Variants in CASP8 observed in about 807,000 individuals in gnomAD.
CASP8 encodes caspase 8.
A neutral mutation model predicts 46.3 loss-of-function variants in CASP8; 24 were observed. That is an observed-to-expected ratio of 0.52 (90% CI 0.38 to 0.73). The LOEUF (loss-of-function observed/expected upper bound fraction) is 0.73. CASP8 is among the 30% of genes least tolerant of loss of function. The pLI, the probability that CASP8 is intolerant of heterozygous loss-of-function variation, is 0.00. For missense variants in CASP8, 460 were observed against 559.0 expected (o/e 0.82, Z 1.79); for synonymous variants, 188 against 200.4 (o/e 0.94, Z 0.52).
chr2:201,250,836 G>C (rs539832844), intron 2 of CASP8, among the ~76,000 whole-genome samples: 1 of 152,150 alleles, frequency 6.6e-6, no homozygotes, highest in African/African-American at 2.4e-5. Flanking sequence ...ACATCCTACC[G>C]GTTTTGCCAA....
At chr2:201,254,570 AC>A (rs546009250) in intron 2 of CASP8, among the ~76,000 whole-genome samples, 41 of 152,360 alleles carry the variant, frequency 2.7e-4, no homozygotes, top group African/African-American at 8.9e-4. Flanking sequence ...TTGGCAACAA[AC>A]AAAGGGCATG....
chr2:201,243,175 A>G (rs1037723089), intron 2 of CASP8, among the ~76,000 whole-genome samples: 11 of 152,214 alleles, frequency 7.2e-5, no homozygotes, highest in Admixed American at 3.3e-4. Flanking sequence ...CCTATAGTCA[A>G]CAATACTGTA....
At chr2:201,246,606 C>T (rs913364092) in intron 2 of CASP8, among the ~76,000 whole-genome samples, 2 of 152,174 alleles carry the variant, frequency 1.3e-5, no homozygotes, top group African/African-American at 2.4e-5. Flanking sequence ...AGACCTGAAT[C>T]GACCACCCTC....
chr2:201,256,120 C>T (rs1295369683), upstream of CASP8, among the ~76,000 whole-genome samples: 1 of 152,206 alleles, frequency 6.6e-6, no homozygotes. Flanking sequence ...TGTTTTATCT[C>T]CCACAGTTTT....
At chr2:201,244,278 T>G (rs374003804) in intron 2 of CASP8, among the ~76,000 whole-genome samples, 1 of 152,200 alleles carries the variant, frequency 6.6e-6, no homozygotes, top group Non-Finnish European at 1.5e-5. Flanking sequence ...GAACAAAATA[T>G]TTATTTGTGG....
rs1339962485 is a variant in CASP8, at chr2:201,266,689, G to T, written c.203G>T (p.Arg68Leu). 6.2e-7 allele frequency: 1 copy of T among 1,613,998 alleles called. No individual in the cohort carries two copies. Among genetic ancestry groups the T allele is most frequent in the Non-Finnish European group, 8.5e-7 (1 of 1,179,928 alleles). ...TCCTTCCTGAAGGAGCTGCTCTTCC[G>T]AATTAATAGACTGGATTTGCTGATT... ...NLSFLKELLF[R>L]INRLDLLITY... Residue 68 changes from arginine (R) to leucine (L), a missense_variant, in exon 2 of 9, where the codon CGA (arginine) becomes CTA (leucine). Transcript: ENST00000673742. The surrounding 1 kb of genome is among the most constrained non-coding windows in gnomAD (Gnocchi z 5.7).
In CASP8 at chr2:201,237,947, T is replaced by TA. The variant is rs3835914; in HGVS notation, c.-27+3838dup. Among the ~76,000 whole-genome samples the TA allele has an allele frequency of 9.4e-4, 143 of 152,344 alleles. 4 individuals are homozygous for TA. The East Asian group carries it at 0.025, about 27-fold the overall frequency. The stretch of plus-strand genomic sequence containing the variant: ...GCGATCTCATCAAACAATCTTGATA[T>TA]AAACTTAGAGAACAACCTCTTGGCA... On this transcript the variant is annotated intron_variant, in intron 2 of 6. Coordinates refer to the CASP8 transcript ENST00000264274.
intron 2 of CASP8, chr2:201,269,555 CCAGA>C: frequency 1.2e-6 from 2 of 1,613,538 alleles, no homozygotes; most frequent in Non-Finnish European, 1.7e-6. Flanking sequence ...ACAGCCAGTG[CCAGA>C]CACAGTCTGT....
At chr2:201,265,391 A>C (rs1401605416) in intron 1 of CASP8, among the ~76,000 whole-genome samples, 1 of 147,582 alleles carries the variant, frequency 6.8e-6, no homozygotes. Flanking sequence ...AAAAAAAAAA[A>C]CGAAAACTAA....
At chr2:201,249,569 G>GT (rs1946684776) in intron 2 of CASP8, among the ~76,000 whole-genome samples, 1 of 152,162 alleles carries the variant, frequency 6.6e-6, no homozygotes, top group African/African-American at 2.4e-5. Context: ...CAATCGGGTT[G>GT]TTTTCTTATT....
At chr2:201,276,769 TACATCTCTAGTGTTTG>T in intron 6 of CASP8, 42 bp from the exon 7 acceptor site, 4 of 1,611,988 alleles carry the variant, frequency 2.5e-6, no homozygotes, top group Non-Finnish European at 3.4e-6. Flanking sequence ...GTTGTTTGTT[TACATCTCTAGTGTTTG>T]ACCCACAGAG....
intron 6 of CASP8, 125 bp from the exon 7 acceptor site, chr2:201,276,702 G>A (rs865929937): frequency 3.3e-6 from 4 of 1,229,336 alleles, no homozygotes; most frequent in South Asian, 1.3e-5. Context: ...CTAGTTCTTC[G>A]AGGAAACGAC....
At chr2:201,244,077 A>C (rs1301583504) in intron 2 of CASP8, among the ~76,000 whole-genome samples, 1 of 152,176 alleles carries the variant, frequency 6.6e-6, no homozygotes, top group East Asian at 1.9e-4. Context: ...CCCATCATGG[A>C]CCTGAATGGG....
At position 201,266,775 on chromosome 2, in the gene CASP8, C is replaced by A. The variant is rs1489585227; in HGVS notation, c.289C>A (p.Gln97Lys). 1 of 1,612,334 alleles carries A rather than the reference C, an allele frequency of 6.2e-7. No homozygotes were observed. The highest frequency in any genetic ancestry group is 1.3e-5 in the African/African-American group (1 of 74,870). The change falls in exon 2 of 9, where the codon CAA (glutamine) becomes AAA (lysine). Residue 97 changes from glutamine (Q) to lysine (K), a missense_variant. Transcript: ENST00000673742. This position sits in a 1 kb window ranked among gnomAD's most constrained non-coding sequence, Gnocchi z 5.7. ...ERELQTPGRAQISAYRVMLYQ... is the reference protein window; with the variant it reads ...ERELQTPGRAKISAYRVMLYQ... The stretch of plus-strand genomic sequence containing the variant: ...GGAACTTCAGACACCAGGCAGGGCT[C>A]AAATTTCTGCCTACAGGTGGGTGGA...
intron 1 of CASP8, among the ~76,000 whole-genome samples, chr2:201,265,306 C>T (rs569426957): frequency 6.7e-6 from 1 of 149,104 alleles, no homozygotes; most frequent in Non-Finnish European, 1.5e-5. Context: ...ACCTGGGAGG[C>T]GGAGGTTGCA....
chr2:201,258,900 T>C (rs145885619), upstream of CASP8, among the ~76,000 whole-genome samples: 485 of 152,334 alleles, frequency 3.2e-3, 3 homozygotes, highest in African/African-American at 0.011. Flanking sequence ...AGTTCTCTAA[T>C]GTTTTGATGT....
chr2:201,259,542 C>T (rs114684483), upstream of CASP8, among the ~76,000 whole-genome samples: 1 of 152,092 alleles, frequency 6.6e-6, no homozygotes, highest in South Asian at 2.1e-4. Flanking sequence ...TCAGATACTT[C>T]GTTCAGTCTT....
upstream of CASP8, chr2:201,258,294 CT>C: frequency 6.2e-7 from 1 of 1,614,054 alleles, no homozygotes; most frequent in Non-Finnish European, 8.5e-7. Flanking sequence ...TCCTGGGAGC[CT>C]TTCCCACCCC....
chr2:201,242,409 T>G (rs893789840), intron 2 of CASP8: 1 of 152,284 alleles, frequency 6.6e-6, no homozygotes, highest in South Asian at 2.1e-4. Context: ...GGTTCATAAA[T>G]GGCCATCTTC....
Sources: gnomAD v4.1 joint callset for allele counts (sites outside exome capture counted in the v4.1 genomes callset) on GRCh38, gnomAD v4.1.1 for gene constraint, Gnocchi (gnomAD v3.1) non-coding constraint, MANE v1.5 for transcripts, NCBI Gene and HGNC (gene_info 2026-07-23, HGNC 2026-07-21) for gene names.